Variants in LRWD1 observed in about 807,000 individuals in gnomAD.
The protein encoded by LRWD1 is leucine rich repeats and WD repeat domain containing 1.
A neutral mutation model predicts 75.6 loss-of-function variants in LRWD1; 76 were observed. That is an observed-to-expected ratio of 1.01 (90% CI 0.84 to 1.22). LRWD1 has a LOEUF of 1.22. LRWD1 is among the 50% of genes most tolerant of loss of function. The pLI, the probability that LRWD1 is intolerant of heterozygous loss-of-function variation, is 0.00. For missense variants in LRWD1, 917 were observed against 862.0 expected, an observed-to-expected ratio of 1.06 and a Z score of -0.80; for synonymous variants, 487 against 377.0, an observed-to-expected ratio of 1.29 and a Z score of -3.38.
rs1247294588 is a variant in LRWD1 at position 102,467,135 on chromosome 7, G to GTA, written c.433-203_433-202insAT. Among the ~76,000 whole-genome samples, 22 of 140,134 alleles carry GTA rather than the reference G, an allele frequency of 1.6e-4. 1 individual carries two copies. Among genetic ancestry groups the GTA allele is most frequent in the Non-Finnish European group, 3.2e-4 (20 of 63,436 alleles). 91.9% of individuals were successfully genotyped at this position (140,134 alleles called of 152,430 possible). On this transcript the variant is annotated intron_variant, in intron 3 of 14. Transcript: ENST00000292616. ...GTTGCTGGGGTGTGTGTGTGTGTGT[G>GTA]TGTAGGCACCTGGGTTGTTGCTGGG...
chr7:102,468,052 C>T lies in LRWD1; in HGVS notation c.679-10C>T. 1 of 1,605,658 alleles carries T rather than the reference C, an allele frequency of 6.2e-7. No individual in the cohort carries two copies. Among genetic ancestry groups the T allele is most frequent in the Non-Finnish European group, 8.5e-7 (1 of 1,178,820 alleles). On this transcript the variant is annotated splice_polypyrimidine_tract_variant and intron_variant, in intron 5 of 14. Coordinates refer to ENST00000292616, the MANE Select transcript of LRWD1 (RefSeq NM_152892.3). ...CAGACAGGCCCATGGTCACAAGGCC[C>T]CCTCCACAGGCCAGACTGGCGGCCT... is the stretch of plus-strand genomic sequence containing the variant.
chr7:102,473,025 C>A lies in LRWD1; in HGVS notation c.1920C>A (p.Ile640=), dbSNP rs200957241. 6.2e-7 allele frequency: 1 copy of A among 1,613,742 alleles called. No homozygotes were observed. The highest frequency in any genetic ancestry group is 1.3e-5 in the African/African-American group (1 of 75,016). Residue 640 remains isoleucine, a synonymous_variant, in exon 15 of 15, where the codon ATC becomes ATA. Transcript: ENST00000292616. The part of the protein sequence containing the change: ...TYLTALTDSN[I]VAIWGRM ...TCACCGCCCTGACGGACTCCAACAT[C>A]GTAGCCATCTGGGGGAGGATGTAGC...
At position 102,467,303 on chromosome 7, in the gene LRWD1, G is replaced by A. The variant is rs116645570; in HGVS notation, c.433-36G>A. The A allele has an allele frequency of 1.9e-3, 2,926 of 1,564,292 alleles. 55 individuals are homozygous for A. The African/African-American group carries it at 0.035, about 19-fold the overall frequency. On this transcript the variant is annotated intron_variant, in intron 3 of 14. Coordinates refer to ENST00000292616, the MANE Select transcript of LRWD1 (RefSeq NM_152892.3). The stretch of plus-strand genomic sequence containing the variant: ...GAGGGCTGGGTCCGGAGGAGCTGGG[G>A]TGGGCCGGGCCTGGATCTGGTCCCT...
intron 3 of LRWD1, among the ~76,000 whole-genome samples, chr7:102,466,608 G>T (rs1797986213): frequency 6.6e-6 from 1 of 151,926 alleles, no homozygotes; most frequent in African/African-American, 2.4e-5. Flanking sequence ...AGTAGAGACA[G>T]GGTTTCACCA....
In LRWD1 at chr7:102,465,870, G is replaced by A; in HGVS notation, c.134G>A (p.Arg45His). 2.5e-6 allele frequency: 4 copies of A among 1,613,376 alleles called. No individual in the cohort carries two copies. In the African/African-American group the frequency reaches 4.0e-5, roughly 16 times the overall value. The change falls in exon 2 of 15, where the codon CGC (arginine) becomes CAC (histidine). Residue 45 changes from arginine to histidine, a missense_variant. Physicochemically the swap from Arg to His is conservative, Grantham distance 29 (BLOSUM62 0). Transcript: ENST00000292616. ...SEHLDPKLLCRLTQLQELDLS... is the reference protein window; with the variant it reads ...SEHLDPKLLCHLTQLQELDLS... ...CACCTGGACCCCAAACTCCTGTGCCGCCTGACGCAGCTGCAGGAGCTTGAC... is the reference window on the plus strand; with the variant it reads ...CACCTGGACCCCAAACTCCTGTGCCACCTGACGCAGCTGCAGGAGCTTGAC...
intron 10 of LRWD1, 36 bp downstream of exon 10, chr7:102,469,682 G>C (rs200197080): frequency 8.1e-6 from 13 of 1,614,010 alleles, no homozygotes; most frequent in Non-Finnish European, 1.1e-5. Flanking sequence ...GTGGCCAGCT[G>C]CTGGGGCAGG....
intron 4 of LRWD1, 30 bp downstream of exon 4, chr7:102,467,509 C>T (rs1372193962): frequency 6.2e-7 from 1 of 1,607,166 alleles, no homozygotes; most frequent in Non-Finnish European, 8.5e-7. Context: ...TGCAGGGAGT[C>T]ACTGGCTCTC....
chr7:102,465,770 G>A lies in LRWD1; in HGVS notation c.81-47G>A, dbSNP rs532015107. The A allele has an allele frequency of 6.2e-6, 9 of 1,443,596 alleles. No homozygotes were observed. In the South Asian group the frequency reaches 1.0e-4, roughly 16 times the overall value. 89.4% of individuals were successfully genotyped at this position (1,443,596 alleles called of 1,614,324 possible). On this transcript the variant is annotated intron_variant, in intron 1 of 14. Coordinates refer to ENST00000292616, the MANE Select transcript of LRWD1 (RefSeq NM_152892.3). ...GAGGTACCCGGGGCAGATTGGTGTA[G>A]GGTGCAAAGCCTGCCCGCCCCCTAA...
intron 9 of LRWD1, among the ~76,000 whole-genome samples, 160 bp from the exon 10 acceptor site, chr7:102,469,414 G>T (rs1323356507): frequency 6.6e-6 from 1 of 151,872 alleles, no homozygotes; most frequent in Non-Finnish European, 1.5e-5. Context: ...AGGAAACAGG[G>T]ATTGGGGGCC....
At chr7:102,471,492 TTC>T (rs373524227) in intron 11 of LRWD1, 3 of 154,608 alleles carry the variant, frequency 1.9e-5, no homozygotes, top group African/African-American at 7.2e-5. Context: ...AGTTATGGGC[TTC>T]TCTTTCTCAC....
intron 12 of LRWD1, 47 bp downstream of exon 12, chr7:102,472,356 A>G (rs570865326): frequency 1.3e-6 from 2 of 1,552,830 alleles, no homozygotes; most frequent in Admixed American, 2.0e-5. Context: ...GGGCACACAG[A>G]TGGACCGCTT....
At position 102,473,056 on chromosome 7, in the gene LRWD1, A is replaced by G. The variant is rs1212455162; in HGVS notation, c.*7A>G. Reference sequence around the variant, plus strand: ...CATCTGGGGGAGGATGTAGCCTCACACCATCGCAAAGGACCAGGGACACAG... The same window carrying G: ...CATCTGGGGGAGGATGTAGCCTCACGCCATCGCAAAGGACCAGGGACACAG... On this transcript the variant is annotated 3_prime_UTR_variant, in exon 15 of 15. Transcript: ENST00000292616. 5 of 1,585,734 alleles carry G rather than the reference A, an allele frequency of 3.2e-6. No individual in the cohort carries two copies. Among genetic ancestry groups the G allele is most frequent in the Middle Eastern group, 1.7e-4 (1 of 5,946 alleles).
Position 102,472,531 on chromosome 7 carries a change from ACGGTGG to A in LRWD1, c.1614_1619del (p.Ala540_Val541del). 2 of 1,581,096 alleles carry A rather than the reference ACGGTGG, an allele frequency of 1.3e-6. No homozygotes were observed. The highest frequency in any genetic ancestry group is 1.7e-6 in the Non-Finnish European group (2 of 1,165,006). On this transcript the variant is annotated inframe_deletion, in exon 13 of 15. Coordinates refer to ENST00000292616, the MANE Select transcript of LRWD1 (RefSeq NM_152892.3). ...GTGGGGGGGCCGGGGCAGCCAGTCC[ACGGTGG>A]CAGTGGTGGTCCTGGCGCGGCTGCA...
chr7:102,467,328 T>A lies in LRWD1; in HGVS notation c.433-11T>A. The A allele has an allele frequency of 6.3e-7, 1 of 1,596,598 alleles. No individual in the cohort carries two copies. The highest frequency in any genetic ancestry group is 1.1e-5 in the South Asian group (1 of 88,600). ...GTGGGCCGGGCCTGGATCTGGTCCC[T>A]CTTGCACCAGGTCACAGCTCACTGG... On this transcript the variant is annotated splice_polypyrimidine_tract_variant and intron_variant, in intron 3 of 14. Transcript: ENST00000292616.
intron 1 of LRWD1, 91 bp downstream of exon 1, chr7:102,465,251 C>T: frequency 1.7e-6 from 2 of 1,211,670 alleles, no homozygotes; most frequent in Non-Finnish European, 2.2e-6. Flanking sequence ...CGCTTGTCCC[C>T]GTTATCGCCC....
intron 4 of LRWD1, 26 bp downstream of exon 4, chr7:102,467,505 G>GT: frequency 3.1e-6 from 5 of 1,608,882 alleles, no homozygotes; most frequent in Non-Finnish European, 1.7e-6. Context: ...AATGTGCAGG[G>GT]AGTCACTGGC....
chr7:102,466,797 T>A (rs1249837866), intron 3 of LRWD1, among the ~76,000 whole-genome samples: 198 of 108,282 alleles, frequency 1.8e-3, no homozygotes, highest in African/African-American at 6.2e-3. Context: ...TTTTTTTTTT[T>A]AGAGACAGGG....
intron 14 of LRWD1, 24 bp from the exon 15 acceptor site, chr7:102,472,885 A>T (rs1029076443): frequency 1.3e-6 from 2 of 1,597,590 alleles, no homozygotes; most frequent in African/African-American, 2.7e-5. Context: ...AGCCCAGCCC[A>T]GCCCTCCCCT....
In LRWD1 at chr7:102,472,254, C is replaced by T. The variant is rs370479415; in HGVS notation, c.1479C>T (p.Ser493=). 22 of 1,596,848 alleles carry T rather than the reference C, an allele frequency of 1.4e-5. No individual in the cohort carries two copies. Among genetic ancestry groups the T allele is most frequent in the African/African-American group, 4.0e-5 (3 of 74,700 alleles). ...CEVEFVFSEG[S]EASGRRVDGL... ...TGGAATTCGTCTTCTCTGAGGGCTC[C>T]GAGGCATCTGGACGGAGAGTGGATG... is the stretch of plus-strand genomic sequence containing the variant. The change falls in exon 12 of 15, where the codon TCC becomes TCT. Residue 493 remains serine, a synonymous_variant. Coordinates refer to ENST00000292616, the MANE Select transcript of LRWD1 (RefSeq NM_152892.3).
Sources: allele counts gnomAD v4.1 joint callset (sites outside exome capture counted in the v4.1 genomes callset), GRCh38; gene constraint gnomAD v4.1.1; transcripts MANE v1.5; gene names NCBI Gene and HGNC (gene_info 2026-07-23, HGNC 2026-07-21).